The following SPAG16 variants were observed in gnomAD, a reference collection of about 807,000 sequenced individuals.
The protein encoded by SPAG16 is sperm-associated antigen 16 protein.
A neutral mutation model predicts 80.4 loss-of-function variants in SPAG16; 86 were observed. That is an observed-to-expected ratio of 1.07 (90% CI 0.90 to 1.28). The LOEUF (loss-of-function observed/expected upper bound fraction) is 1.28, where lower values mean the gene tolerates loss of function less well. SPAG16 is among the 50% of genes most tolerant of loss of function. The probability of loss-of-function intolerance (pLI) is 0.00; values close to 1 mark genes in which losing one functional copy is unlikely to be tolerated. For missense variants in SPAG16, 870 were observed against 765.3 expected, an observed-to-expected ratio of 1.14 and a Z score of -1.61; for synonymous variants, 294 against 265.9, an observed-to-expected ratio of 1.11 and a Z score of -1.03.
intron 15 of SPAG16, among the ~76,000 whole-genome samples, chr2:214,198,687 T>C (rs1643849364): frequency 6.6e-6 from 1 of 152,118 alleles, no homozygotes; most frequent in South Asian, 2.1e-4. Context: ...CTGTTTTCCA[T>C]AATGGTTAAC....
intron 10 of SPAG16, among the ~76,000 whole-genome samples, chr2:213,627,705 CAAAT>C (rs2062008458): frequency 6.6e-6 from 1 of 152,146 alleles, no homozygotes; most frequent in African/African-American, 2.4e-5. Context: ...AATAAATTGA[CAAAT>C]AAATGAATGA....
At chr2:213,381,964 T>G (rs1254612560) in intron 9 of SPAG16, among the ~76,000 whole-genome samples, 1 of 152,198 alleles carries the variant, frequency 6.6e-6, no homozygotes, top group Non-Finnish European at 1.5e-5. Context: ...GCGCTCCCAT[T>G]GGAAGACTTG....
At chr2:213,642,757 C>T (rs1190190427) in intron 10 of SPAG16, among the ~76,000 whole-genome samples, 1 of 43,254 alleles carries the variant, frequency 2.3e-5, no homozygotes, top group Non-Finnish European at 4.2e-5. Context: ...GGAGGCGGAG[C>T]TTGCAGTGAG....
intron 10 of SPAG16, among the ~76,000 whole-genome samples, chr2:213,766,052 A>G (rs1015516874): frequency 1.3e-5 from 2 of 152,222 alleles, no homozygotes; most frequent in African/African-American, 4.8e-5. Flanking sequence ...CTTTAACGCT[A>G]CATTTCAGTC....
chr2:213,291,167 T>G (rs1375634837), intron 1 of SPAG16, among the ~76,000 whole-genome samples: 1 of 152,208 alleles, frequency 6.6e-6, no homozygotes, highest in Non-Finnish European at 1.5e-5. Flanking sequence ...CTGCTGCATC[T>G]TAATCATATT....
At chr2:214,323,386 G>T (rs1343698470) in intron 15 of SPAG16, among the ~76,000 whole-genome samples, 2 of 151,632 alleles carry the variant, frequency 1.3e-5, no homozygotes, top group African/African-American at 4.8e-5. Context: ...TTTAAGAAAA[G>T]AATTTATGTC....
intron 15 of SPAG16, among the ~76,000 whole-genome samples, chr2:214,392,034 G>T (rs1272771898): frequency 2.0e-5 from 3 of 152,154 alleles, no homozygotes; most frequent in Non-Finnish European, 2.9e-5. Flanking sequence ...CTGGAACACA[G>T]GTCACCAGTG....
intron 12 of SPAG16, among the ~76,000 whole-genome samples, chr2:213,957,389 C>A (rs1267106925): frequency 6.6e-6 from 1 of 151,332 alleles, no homozygotes; most frequent in South Asian, 2.1e-4. Context: ...CTCTGATTAA[C>A]TTTTAAAATT....
chr2:214,071,006 C>T lies in SPAG16; in HGVS notation c.1528-37190C>T, dbSNP rs547325035. 2.1e-4 allele frequency among the ~76,000 whole-genome samples: 32 copies of T among 152,076 alleles called. No individual in the cohort carries two copies. The South Asian group carries it at 6.2e-3, about 30-fold the overall frequency. On this transcript the variant is annotated intron_variant, in intron 13 of 15. Transcript: ENST00000331683. ...TCATCTGCCCTACCCGGAAACTGTA[C>T]AAATAACCAAAGCATTATAAAAATC...
At chr2:214,296,324 T>C (rs1381440522) in intron 15 of SPAG16, among the ~76,000 whole-genome samples, 2 of 152,206 alleles carry the variant, frequency 1.3e-5, no homozygotes, top group African/African-American at 2.4e-5. Context: ...TTCATGACTT[T>C]GCTATTGTGG....
intron 14 of SPAG16, among the ~76,000 whole-genome samples, chr2:214,136,791 C>T (rs185937856): frequency 5.6e-4 from 85 of 152,304 alleles, no homozygotes; most frequent in African/African-American, 2.0e-3. Flanking sequence ...CTTAATGCTG[C>T]ATAGGCCTGT....
intron 10 of SPAG16, among the ~76,000 whole-genome samples, chr2:213,791,542 G>A (rs2070704542): frequency 2.0e-5 from 3 of 152,078 alleles, no homozygotes; most frequent in African/African-American, 7.2e-5. Flanking sequence ...CCATGTAAAA[G>A]GGATTAGACT....
chr2:213,493,520 G>A (rs2074354487), intron 10 of SPAG16, among the ~76,000 whole-genome samples: 2 of 152,270 alleles, frequency 1.3e-5, no homozygotes, highest in East Asian at 3.9e-4. Context: ...CTTACACGAT[G>A]CTTCCCATCA....
chr2:214,352,596 AT>A (rs1293563744), intron 15 of SPAG16, among the ~76,000 whole-genome samples: 49 of 11,088 alleles, frequency 4.4e-3, no homozygotes, highest in South Asian at 0.01. Context: ...ATCTCCTAAC[AT>A]TTTTTTTTCA....
intron 15 of SPAG16, among the ~76,000 whole-genome samples, chr2:214,348,337 G>A (rs1197640736): frequency 6.6e-6 from 1 of 152,176 alleles, no homozygotes; most frequent in East Asian, 1.9e-4. Context: ...AATGATTTGC[G>A]ACCAGAGGTT....
At position 213,791,811 on chromosome 2, in the gene SPAG16, G is replaced by A. The variant is rs12612583; in HGVS notation, c.1071-70674G>A. Among the ~76,000 whole-genome samples the A allele has an allele frequency of 0.028, 4,204 of 152,144 alleles. 338 individuals are homozygous for A. In the East Asian group the frequency reaches 0.31, roughly 11 times the overall value. ...TGAGTATAAAAATGTTTTAAGTCAC[G>A]TTTTGCAAAGTTTATTCTGTGGAAA... On this transcript the variant is annotated intron_variant, in intron 10 of 15. Coordinates refer to ENST00000331683, the MANE Select transcript of SPAG16 (RefSeq NM_024532.5).
chr2:214,198,963 T>C (rs2057929735), intron 15 of SPAG16, among the ~76,000 whole-genome samples: 1 of 152,150 alleles, frequency 6.6e-6, no homozygotes, highest in African/African-American at 2.4e-5. Context: ...TGTTTTTGTC[T>C]TGCTGATTTG....
intron 15 of SPAG16, among the ~76,000 whole-genome samples, chr2:214,244,150 T>TA (rs898152372): frequency 6.6e-6 from 1 of 152,032 alleles, no homozygotes; most frequent in Admixed American, 6.6e-5. Flanking sequence ...CTTCAAATTA[T>TA]AAAAAATACT....
chr2:213,805,758 C>T (rs2071728542), intron 10 of SPAG16, among the ~76,000 whole-genome samples: 1 of 152,064 alleles, frequency 6.6e-6, no homozygotes, highest in Admixed American at 6.6e-5. Flanking sequence ...AGAGAAGATC[C>T]CAATATAAAA....
Sources: gnomAD v4.1 joint callset for allele counts (sites outside exome capture counted in the v4.1 genomes callset) on GRCh38, gnomAD v4.1.1 for gene constraint, MANE v1.5 for transcripts, NCBI Gene and HGNC (gene_info 2026-07-23, HGNC 2026-07-21) for gene names.